Variants in VTI1A observed in about 807,000 individuals in gnomAD.
VTI1A encodes vesicle transport through interaction with t-SNAREs homolog 1A.
Under a neutral mutation model 34.9 loss-of-function variants are expected in VTI1A, and 22 were observed. The observed-to-expected ratio is 0.63, with a 90% confidence interval of 0.45 to 0.90. The LOEUF (loss-of-function observed/expected upper bound fraction) is 0.90. VTI1A is among the 40% of genes least tolerant of loss of function. The pLI, the probability that VTI1A is intolerant of heterozygous loss-of-function variation, is 0.00. For missense variants in VTI1A, 268 were observed against 275.6 expected (o/e 0.97, Z 0.20); for synonymous variants, 87 against 97.3 (o/e 0.89, Z 0.62).
chr10:112,687,054 A>G (rs973410049), intron 7 of VTI1A, among the ~76,000 whole-genome samples: 3 of 151,932 alleles, frequency 2.0e-5, no homozygotes, highest in African/African-American at 7.3e-5. Context: ...TGAGTGTGGC[A>G]TAATCAGATT....
In VTI1A at chr10:112,736,822, A is replaced by G. The variant is rs1255269814; in HGVS notation, c.560+67824A>G. On this transcript the variant is annotated intron_variant, in intron 7 of 7. Transcript: ENST00000393077. ...TACTCAAACACGTATTGTGCCTTCAATGAGAAGCCTTCTCACTGAAAGAGC... is the reference window on the plus strand; with the variant it reads ...TACTCAAACACGTATTGTGCCTTCAGTGAGAAGCCTTCTCACTGAAAGAGC... 7 of 1,207,004 alleles carry G rather than the reference A, an allele frequency of 5.8e-6. No individual in the cohort carries two copies. The Admixed American group carries it at 5.9e-5, about 10-fold the overall frequency. 74.8% of individuals were successfully genotyped at this position (1,207,004 alleles called of 1,614,324 possible).
intron 3 of VTI1A, among the ~76,000 whole-genome samples, chr10:112,476,536 G>A (rs1334754260): frequency 6.6e-6 from 1 of 152,146 alleles, no homozygotes; most frequent in Non-Finnish European, 1.5e-5. Flanking sequence ...CTGTGGTAGT[G>A]ATGTTGCTGA....
intron 5 of VTI1A, among the ~76,000 whole-genome samples, chr10:112,650,743 G>A (rs1305559952): frequency 1.3e-5 from 2 of 152,172 alleles, no homozygotes; most frequent in Non-Finnish European, 2.9e-5. Context: ...TGGGGCCACT[G>A]TCCTATACGT....
chr10:112,759,130 C>T (rs1322747097), intron 7 of VTI1A, among the ~76,000 whole-genome samples: 2 of 152,138 alleles, frequency 1.3e-5, no homozygotes, highest in Non-Finnish European at 2.9e-5. Context: ...GGTAGAAATG[C>T]ATCCTTGGTT....
chr10:112,799,294 C>T (rs1003347908), intron 7 of VTI1A, among the ~76,000 whole-genome samples: 2 of 152,212 alleles, frequency 1.3e-5, no homozygotes, highest in Non-Finnish European at 2.9e-5. Context: ...TCAGAGGTCG[C>T]AGACTGAAGG....
intron 5 of VTI1A, among the ~76,000 whole-genome samples, chr10:112,604,612 G>C (rs1318087026): frequency 6.6e-6 from 1 of 152,140 alleles, no homozygotes; most frequent in African/African-American, 2.4e-5. Flanking sequence ...ATGTATCTCT[G>C]GTTCTACACA....
At chr10:112,736,884 G>T in intron 7 of VTI1A, 1 of 755,908 alleles carries the variant, frequency 1.3e-6, no homozygotes, top group South Asian at 1.5e-5. Context: ...GATGATGCTG[G>T]TGGAAGTATT....
intron 5 of VTI1A, among the ~76,000 whole-genome samples, chr10:112,628,137 G>C (rs1397233518): frequency 1.3e-5 from 2 of 152,028 alleles, no homozygotes; most frequent in Non-Finnish European, 2.9e-5. Flanking sequence ...ACACCTCCAA[G>C]GTCTGTATAG....
chr10:112,643,024 C>T lies in VTI1A; in HGVS notation c.428-25194C>T, dbSNP rs1361277633. Among the ~76,000 whole-genome samples, 4 of 141,084 alleles carry T rather than the reference C, an allele frequency of 2.8e-5. No individual in the cohort carries two copies. The East Asian group carries it at 8.3e-4, about 29-fold the overall frequency. 92.6% of individuals were successfully genotyped at this position (141,084 alleles called of 152,430 possible). A position where few individuals can be genotyped will look rare whatever the true frequency, so the allele number is the denominator to read the frequency against. On this transcript the variant is annotated intron_variant, in intron 5 of 7. Coordinates refer to ENST00000393077, the MANE Select transcript of VTI1A (RefSeq NM_145206.4). ...TTAAGACAGAGTCTCACTCTTGTCA[C>T]CCCAGGCTGGAGTGCTGTAGCACAA...
At chr10:112,563,651 C>G (rs1313730642) in intron 5 of VTI1A, among the ~76,000 whole-genome samples, 1 of 152,070 alleles carries the variant, frequency 6.6e-6, no homozygotes, top group Non-Finnish European at 1.5e-5. Context: ...TGTTGAAGGC[C>G]AACAATGAAA....
At chr10:112,557,148 C>T (rs1851568101) in intron 5 of VTI1A, among the ~76,000 whole-genome samples, 1 of 151,998 alleles carries the variant, frequency 6.6e-6, no homozygotes, top group Admixed American at 6.6e-5. Context: ...TATTTTCATA[C>T]ATATTCTTAA....
At chr10:112,651,066 G>A (rs1431082174) in intron 5 of VTI1A, among the ~76,000 whole-genome samples, 12 of 152,116 alleles carry the variant, frequency 7.9e-5, no homozygotes, top group Admixed American at 7.9e-4. Context: ...TATAAGTAAT[G>A]CTGTGTGGCT....
chr10:112,658,785 A>G (rs925189030), intron 5 of VTI1A, among the ~76,000 whole-genome samples: 1 of 152,194 alleles, frequency 6.6e-6, no homozygotes, highest in African/African-American at 2.4e-5. Context: ...ATGGGGACTC[A>G]CTGTTGCCAG....
chr10:112,711,581 T>C (rs1255904204), intron 7 of VTI1A, among the ~76,000 whole-genome samples: 2 of 152,204 alleles, frequency 1.3e-5, no homozygotes, highest in Non-Finnish European at 2.9e-5. Flanking sequence ...CAGTGAGTCA[T>C]TGGTAAAGCC....
At chr10:112,838,504 C>CT in the VTI1A span, among the ~76,000 whole-genome samples, 43 of 152,218 alleles carry the variant, frequency 2.8e-4, no homozygotes, top group Non-Finnish European at 5.1e-4. Flanking sequence ...TCCCCCTAGA[C>CT]TAATTTGTAT....
chr10:112,677,297 A>G (rs1848067315), intron 7 of VTI1A, among the ~76,000 whole-genome samples: 1 of 152,106 alleles, frequency 6.6e-6, no homozygotes, highest in Non-Finnish European at 1.5e-5. Context: ...CAGGTGAATT[A>G]CCTCATTCTC....
chr10:112,742,477 A>G (rs1401314430), intron 7 of VTI1A, among the ~76,000 whole-genome samples: 2 of 152,214 alleles, frequency 1.3e-5, no homozygotes, highest in Admixed American at 1.3e-4. Context: ...CCTAGGGCAT[A>G]AGAAACCCAA....
intron 5 of VTI1A, among the ~76,000 whole-genome samples, chr10:112,613,722 G>T (rs1321634335): frequency 6.6e-6 from 1 of 152,206 alleles, no homozygotes; most frequent in African/African-American, 2.4e-5. Flanking sequence ...AAAAACAAGG[G>T]CTGCCCTTCA....
intron 7 of VTI1A, among the ~76,000 whole-genome samples, chr10:112,738,425 G>A (rs147795738): frequency 0.011 from 1,725 of 152,288 alleles, 17 homozygotes; most frequent in Non-Finnish European, 0.018. Context: ...CTCCTCTGAG[G>A]CTAGGAGATC....
Sources: gnomAD v4.1 joint callset for allele counts (sites outside exome capture counted in the v4.1 genomes callset) on GRCh38, gnomAD v4.1.1 for gene constraint, MANE v1.5 for transcripts, NCBI Gene and HGNC (gene_info 2026-07-23, HGNC 2026-07-21) for gene names.